SREK1: variants seen among roughly 807,000 people sequenced by gnomAD.
SREK1 encodes splicing regulatory glutamine/lysine-rich protein 1.
Under a neutral mutation model 66.5 loss-of-function variants are expected in SREK1, and 13 were observed. That is an observed-to-expected ratio of 0.20 (90% CI 0.13 to 0.31). The LOEUF is 0.31. Among genes scored for constraint, SREK1 ranks in the 10% least tolerant of loss-of-function variants. The probability of loss-of-function intolerance (pLI) is 1.00; values close to 1 mark genes in which losing one functional copy is unlikely to be tolerated. For synonymous variants in SREK1, 265 were observed against 263.5 expected (o/e 1.01, Z -0.05); for missense variants, 607 against 769.6 (o/e 0.79, Z 2.50).
At chr5:66,160,999 A>G (rs538406261) in intron 3 of SREK1, among the ~76,000 whole-genome samples, 3 of 152,360 alleles carry the variant, frequency 2.0e-5, no homozygotes, top group East Asian at 1.9e-4. Flanking sequence ...GTGATGCTAT[A>G]GAAAGATCAT....
chr5:66,162,809 G>T (rs1040958974), intron 5 of SREK1: 1 of 452,010 alleles, frequency 2.2e-6, no homozygotes. Context: ...TGTTTTCTAG[G>T]GTCTAATTCA....
rs1404185756 is a variant in SREK1, at chr5:66,180,411, T to A, written c.*1543T>A. The A allele has an allele frequency of 6.6e-6, 1 of 152,578 alleles. No homozygotes were observed. Among genetic ancestry groups the A allele is most frequent in the African/African-American group, 2.4e-5 (1 of 41,448 alleles). The allele number at this position is 152,578 out of a possible 1,614,324, so 9.5% of individuals were successfully genotyped here. On this transcript the variant is annotated 3_prime_UTR_variant, in exon 12 of 12. Coordinates refer to ENST00000334121, the MANE Select transcript of SREK1 (RefSeq NM_001077199.3). ...TGCCTTACCTCATGGGAAGAGTTAC[T>A]TTTTTAGATCTAAAAAGCTGAATAG...
At chr5:66,154,984 C>G (rs1440988743) in intron 2 of SREK1, among the ~76,000 whole-genome samples, 3 of 152,130 alleles carry the variant, frequency 2.0e-5, no homozygotes, top group Non-Finnish European at 4.4e-5. Flanking sequence ...TTAATTATAT[C>G]AGAAAATTAA....
chr5:66,159,755 G>A (rs1744584098), intron 3 of SREK1, among the ~76,000 whole-genome samples: 1 of 152,144 alleles, frequency 6.6e-6, no homozygotes, highest in African/African-American at 2.4e-5. Flanking sequence ...GTGAAAACAT[G>A]GCAAAATATT....
At chr5:66,153,777 T>A (rs1309497259) in intron 2 of SREK1, 181 bp downstream of exon 2, 1 of 662,348 alleles carries the variant, frequency 1.5e-6, no homozygotes, top group Non-Finnish European at 2.4e-6. Flanking sequence ...ATTTATGACA[T>A]GTACATTTGA....
Position 66,170,762 on chromosome 5 carries a change from A to T in SREK1, c.1299A>T (p.Arg433Ser). Reference protein sequence around the residue: ...KDREKDKEKDREREREKEHEK... With the variant: ...KDREKDKEKDSEREREKEHEK... ...GGGAAAAAGACAAGGAAAAGGACAG[A>T]GAGAGAGAACGGGAAAAAGAGCATG... Residue 433 changes from arginine to serine, a missense_variant, in exon 9 of 12, where the codon AGA (arginine) becomes AGT (serine). Around this residue, in one of 5 missense-constraint regions of SREK1, gnomAD observed 318 missense variants for 310.3 expected, o/e 1.02. Coordinates refer to ENST00000334121, the MANE Select transcript of SREK1 (RefSeq NM_001077199.3). 6.2e-7 allele frequency: 1 copy of T among 1,601,462 alleles called. No individual in the cohort carries two copies. Among genetic ancestry groups the T allele is most frequent in the Non-Finnish European group, 8.5e-7 (1 of 1,173,384 alleles).
intron 1 of SREK1, 23 bp downstream of exon 1, chr5:66,144,560 G>A (rs1335690951): frequency 2.6e-6 from 4 of 1,540,870 alleles, no homozygotes; most frequent in Non-Finnish European, 8.8e-7. Context: ...GCTCGGCTGG[G>A]GGAGGGGCGC....
intron 1 of SREK1, among the ~76,000 whole-genome samples, chr5:66,145,908 T>C (rs1163455200): frequency 6.6e-6 from 1 of 151,446 alleles, no homozygotes; most frequent in African/African-American, 2.4e-5. Context: ...TGATATTTTG[T>C]TTTGTAGTTC....
At position 66,164,861 on chromosome 5, in the gene SREK1, C is replaced by T. The variant is rs763816905; in HGVS notation, c.965C>T (p.Ser322Phe). 6.2e-7 allele frequency: 1 copy of T among 1,613,944 alleles called. No individual in the cohort carries two copies. Among genetic ancestry groups the T allele is most frequent in the Non-Finnish European group, 8.5e-7 (1 of 1,179,860 alleles). ...TRSKSRSSSK[S>F]HSRRKRSQSK... Reference sequence around the variant, plus strand: ...TCAAAATCCAGGTCTAGCTCAAAATCCCATTCTAGAAGGAAAAGATCACAA... The same window carrying T: ...TCAAAATCCAGGTCTAGCTCAAAATTCCATTCTAGAAGGAAAAGATCACAA... Residue 322 changes from serine to phenylalanine, a missense_variant, in exon 7 of 12, where the codon TCC (serine) becomes TTC (phenylalanine). Physicochemically the swap from Ser to Phe is radical, Grantham distance 155. Around this residue, in one of 5 missense-constraint regions of SREK1, gnomAD observed 112 missense variants for 168.6 expected, o/e 0.66. Coordinates refer to ENST00000334121, the MANE Select transcript of SREK1 (RefSeq NM_001077199.3).
chr5:66,167,532 A>T (rs1387589477), intron 7 of SREK1: 1 of 152,210 alleles, frequency 6.6e-6, no homozygotes, highest in Non-Finnish European at 1.5e-5. Flanking sequence ...GTTAATGATA[A>T]ATCTTTAGTT....
In SREK1 at chr5:66,182,431, G is replaced by A. The variant is rs1321388967; in HGVS notation, c.*3563G>A. On this transcript the variant is annotated 3_prime_UTR_variant, in exon 12 of 12. Coordinates refer to ENST00000334121, the MANE Select transcript of SREK1 (RefSeq NM_001077199.3). ...TTAAAAGAGCTAAATTATATTTCTG[G>A]AAGCAGGAGTTTAGTATAAATGTAA... 1 of 152,000 alleles carries A rather than the reference G, an allele frequency of 6.6e-6. No individual in the cohort carries two copies. The highest frequency in any genetic ancestry group is 1.5e-5 in the Non-Finnish European group (1 of 68,014). 9.4% of individuals were successfully genotyped at this position (152,000 alleles called of 1,614,324 possible). A position where few individuals can be genotyped will look rare whatever the true frequency, so the allele number is the denominator to read the frequency against.
chr5:66,169,366 T>C (rs1274130256), intron 7 of SREK1: 2 of 152,184 alleles, frequency 1.3e-5, no homozygotes, highest in African/African-American at 2.4e-5. Flanking sequence ...AAATGCTCAC[T>C]GGAGCATTTT....
chr5:66,164,677 A>G, intron 6 of SREK1, 106 bp from the exon 7 acceptor site: 1 of 1,602,802 alleles, frequency 6.2e-7, no homozygotes, highest in Non-Finnish European at 8.5e-7. Flanking sequence ...ATGTACAGAG[A>G]GTAGGCCCCT....
At position 66,182,026 on chromosome 5, in the gene SREK1, A is replaced by G. The variant is rs909832924; in HGVS notation, c.*3158A>G. 1 of 151,990 alleles carries G rather than the reference A, an allele frequency of 6.6e-6. No individual in the cohort carries two copies. Among genetic ancestry groups the G allele is most frequent in the African/African-American group, 2.4e-5 (1 of 41,392 alleles). The allele number at this position is 151,990 out of a possible 1,614,324, so 9.4% of individuals were successfully genotyped here. A position where few individuals can be genotyped will look rare whatever the true frequency, so the allele number is the denominator to read the frequency against. ...GAACCCTGATCTAACTCCCTTCTCAAGTGAAGATACTGTGTAGATTCAAGA... is the reference window on the plus strand; with the variant it reads ...GAACCCTGATCTAACTCCCTTCTCAGGTGAAGATACTGTGTAGATTCAAGA... On this transcript the variant is annotated 3_prime_UTR_variant, in exon 12 of 12. Coordinates refer to ENST00000334121, the MANE Select transcript of SREK1 (RefSeq NM_001077199.3).
In SREK1 at chr5:66,170,147, G is replaced by A; in HGVS notation, c.1098G>A (p.Lys366=). The stretch of plus-strand genomic sequence containing the variant: ...GCTCTAAATCAAGGGAGAGACGGAA[G>A]TCAAGGAGTCGTTCGCATTCACGGT... ...KKRSKSRERR[K]SRSRSHSRDK... is the part of the protein sequence containing the mutation. Residue 366 remains lysine, a synonymous_variant, in exon 8 of 12, where the codon AAG becomes AAA. Transcript: ENST00000334121. The A allele has an allele frequency of 1.2e-6, 2 of 1,611,942 alleles. No homozygotes were observed. The highest frequency in any genetic ancestry group is 8.5e-7 in the Non-Finnish European group (1 of 1,179,142).
intron 7 of SREK1, chr5:66,167,817 T>A (rs114790498): frequency 2.2e-4 from 33 of 152,354 alleles, no homozygotes; most frequent in African/African-American, 7.5e-4. Flanking sequence ...AAGAATTATA[T>A]TTTTAGCAAG....
chr5:66,149,219 G>A (rs1163862069), intron 1 of SREK1, among the ~76,000 whole-genome samples: 2 of 152,090 alleles, frequency 1.3e-5, no homozygotes, highest in African/African-American at 2.4e-5. Flanking sequence ...TGGGTGTGGT[G>A]GTGTGCACCT....
intron 10 of SREK1, 79 bp downstream of exon 10, chr5:66,175,120 T>A: frequency 8.6e-7 from 1 of 1,159,672 alleles, no homozygotes; most frequent in Non-Finnish European, 1.2e-6. Context: ...CTCTCTTTAT[T>A]TTTTAAACTT....
At chr5:66,172,047 C>T (rs1250863324) in intron 9 of SREK1, among the ~76,000 whole-genome samples, 1 of 152,034 alleles carries the variant, frequency 6.6e-6, no homozygotes, top group African/African-American at 2.4e-5. Context: ...AAGTTGAAAG[C>T]AGTAGTATAT....
Sources: gnomAD v4.1 joint callset for allele counts (sites outside exome capture counted in the v4.1 genomes callset) on GRCh38, gnomAD v4.1.1 for gene constraint, gnomAD v4.1.1 regional missense constraint, MANE v1.5 for transcripts, NCBI Gene and HGNC (gene_info 2026-07-23, HGNC 2026-07-21) for gene names.